FGF13: variants seen among roughly 807,000 people sequenced by gnomAD.
FGF13 encodes the protein fibroblast growth factor 13.
Under a neutral mutation model 19.5 loss-of-function variants are expected in FGF13, and 2 were observed. The ratio of observed to expected loss-of-function variants is 0.10; its 90% CI spans 0.04 to 0.32. FGF13 has a LOEUF of 0.32. Ranked by LOEUF, FGF13 falls within the 10% of genes least tolerant of loss-of-function variation. The probability of loss-of-function intolerance (pLI) is 1.00; values close to 1 mark genes in which losing one functional copy is unlikely to be tolerated. For missense variants in FGF13, 113 were observed against 192.7 expected, an observed-to-expected ratio of 0.59 and a Z score of 2.45; for synonymous variants, 72 against 76.9, an observed-to-expected ratio of 0.94 and a Z score of 0.33.
chrX:139,034,120 T>C (rs1025256389), intron 1 of FGF13, among the ~76,000 whole-genome samples: 2 of 111,489 alleles, frequency 1.8e-5, no homozygotes, highest in Non-Finnish European at 3.8e-5. Flanking sequence ...AACAGCAAAA[T>C]ATATGCTTTG....
intron 1 of FGF13, among the ~76,000 whole-genome samples, chrX:139,184,435 T>C (rs2084264681): frequency 8.9e-6 from 1 of 111,766 alleles, no homozygotes; most frequent in Non-Finnish European, 1.9e-5. Flanking sequence ...GACACCTGCA[T>C]GGCTTTCTCT....
In FGF13 at chrX:139,080,013, T is replaced by C. The variant is rs192645526; in HGVS notation, c.-113+123403A>G. Among the ~76,000 whole-genome samples the C allele has an allele frequency of 1.2e-4, 13 of 105,328 alleles. No homozygotes were observed. In the East Asian group the frequency reaches 3.9e-3, roughly 31 times the overall value. The allele number at this position is 105,328 out of a possible 115,157, so 91.5% of individuals were successfully genotyped here. Reference sequence around the variant, plus strand: ...ACCATCATCATCATCATCATCATCATCAAATGATCAGGTTTTTACATTGAC... The same window carrying C: ...ACCATCATCATCATCATCATCATCACCAAATGATCAGGTTTTTACATTGAC... On this transcript the variant is annotated intron_variant, in intron 1 of 2. Coordinates refer to the FGF13 transcript ENST00000421460.
intron 1 of FGF13, among the ~76,000 whole-genome samples, chrX:138,932,333 C>T (rs752467867): frequency 8.0e-5 from 9 of 111,924 alleles, no homozygotes; most frequent in African/African-American, 2.9e-4. Context: ...GTAATCCCAA[C>T]ACTTTGGGAG....
At chrX:138,848,153 A>AT (rs1400996542) in intron 3 of FGF13, among the ~76,000 whole-genome samples, 3 of 111,527 alleles carry the variant, frequency 2.7e-5, no homozygotes, top group African/African-American at 9.8e-5. Context: ...AATCCTAATT[A>AT]TTTTTCTAAA....
intron 1 of FGF13, among the ~76,000 whole-genome samples, chrX:139,094,227 A>G (rs1362586186): frequency 9.6e-6 from 1 of 104,327 alleles, no homozygotes; most frequent in Non-Finnish European, 2.0e-5. Flanking sequence ...TCTTATGAAC[A>G]TGGTAGACAG....
intron 1 of FGF13, among the ~76,000 whole-genome samples, chrX:138,999,495 A>T (rs759583190): frequency 3.6e-5 from 4 of 111,907 alleles, no homozygotes; most frequent in Non-Finnish European, 7.5e-5. Context: ...AAAAAATGAT[A>T]AAGGGGATAT....
At chrX:138,688,813 T>C (rs2089810973) in intron 3 of FGF13, among the ~76,000 whole-genome samples, 1 of 111,973 alleles carries the variant, frequency 8.9e-6, no homozygotes, top group African/African-American at 3.2e-5. Context: ...AATATCCTAA[T>C]AGAAAAATGC....
downstream of FGF13, chrX:138,857,399 G>A (rs2091264086): frequency 2.7e-6 from 2 of 744,191 alleles, no homozygotes; most frequent in East Asian, 6.9e-5. Context: ...TCCTAGCTAT[G>A]GCAGGGCCTG....
At chrX:138,858,146 G>T (rs2091269251) in intron 2 of FGF13, among the ~76,000 whole-genome samples, 1 of 112,029 alleles carries the variant, frequency 8.9e-6, no homozygotes, top group South Asian at 3.8e-4. Flanking sequence ...ACAGACAGAA[G>T]AATCAGTCAC....
At chrX:138,951,340 T>C in intron 1 of FGF13, among the ~76,000 whole-genome samples, 1 of 111,920 alleles carries the variant, frequency 8.9e-6, no homozygotes, top group Non-Finnish European at 1.9e-5. Context: ...GAAGAATATC[T>C]TCATGACCTT....
chrX:139,006,798 A>G (rs2092103427), intron 1 of FGF13, among the ~76,000 whole-genome samples: 1 of 111,947 alleles, frequency 8.9e-6, no homozygotes, highest in South Asian at 3.7e-4. Context: ...GGTTAAAGAC[A>G]GTATTGACAA....
At chrX:139,203,945 T>C (rs1327933597), upstream of FGF13, 2 of 790,026 alleles carry the variant, frequency 2.5e-6, no homozygotes, top group Non-Finnish European at 3.8e-6. Context: ...GCAGAGGTCA[T>C]GGGCAGCTTA....
chrX:138,802,707 G>T (rs1253424937), intron 3 of FGF13, among the ~76,000 whole-genome samples: 1 of 110,931 alleles, frequency 9.0e-6, no homozygotes, highest in Non-Finnish European at 1.9e-5. Context: ...GTTGCTCTTT[G>T]TCTTTTCCTT....
intron 1 of FGF13, among the ~76,000 whole-genome samples, chrX:139,158,590 A>G (rs917618093): frequency 9.0e-6 from 1 of 111,549 alleles, no homozygotes; most frequent in Non-Finnish European, 1.9e-5. Context: ...TCTGAAAGAA[A>G]GTAATTGCTA....
chrX:139,064,383 A>G, intron 1 of FGF13, among the ~76,000 whole-genome samples: 1 of 74,665 alleles, frequency 1.3e-5, no homozygotes, highest in Admixed American at 1.9e-4. Flanking sequence ...GCTCACTGCA[A>G]GCTCCGCTTC....
Position 138,935,317 on chromosome X carries a change from T to A in FGF13, c.-112-70667A>T, listed in dbSNP as rs187732457. Among the ~76,000 whole-genome samples the A allele has an allele frequency of 6.1e-4, 67 of 110,273 alleles. 1 individual carries two copies. In the East Asian group the frequency reaches 0.011, roughly 19 times the overall value. On this transcript the variant is annotated intron_variant, in intron 1 of 2. Coordinates refer to the FGF13 transcript ENST00000421460. Reference sequence around the variant, plus strand: ...TTTGGGGAAAAAATGAAAAAAAAAATGCTCTTTCACACAGCTTCACACTAG... The same window carrying A: ...TTTGGGGAAAAAATGAAAAAAAAAAAGCTCTTTCACACAGCTTCACACTAG...
chrX:139,170,686 C>T (rs1168506442), intron 1 of FGF13, among the ~76,000 whole-genome samples: 1 of 111,502 alleles, frequency 9.0e-6, no homozygotes, highest in African/African-American at 3.3e-5. Flanking sequence ...GCGGCTCCCT[C>T]CTCAAGGCCT....
intron 1 of FGF13, among the ~76,000 whole-genome samples, chrX:139,149,227 C>A (rs867468190): frequency 2.7e-5 from 3 of 111,830 alleles, no homozygotes; most frequent in Non-Finnish European, 5.6e-5. Flanking sequence ...AATTGTGATA[C>A]TTAACACATC....
intron 1 of FGF13, among the ~76,000 whole-genome samples, chrX:139,178,628 G>C (rs1346012306): frequency 8.9e-6 from 1 of 112,240 alleles, no homozygotes; most frequent in Non-Finnish European, 1.9e-5. Flanking sequence ...TTCAGATTGT[G>C]ATTATGAGAG....
Sources: allele counts gnomAD v4.1 joint callset (sites outside exome capture counted in the v4.1 genomes callset), GRCh38; gene constraint gnomAD v4.1.1; transcripts MANE v1.5; gene names NCBI Gene and HGNC (gene_info 2026-07-23, HGNC 2026-07-21).